Variants in NSG2 observed in about 807,000 individuals in gnomAD.
The protein encoded by NSG2 is neuronal vesicle trafficking-associated protein 2.
Under a neutral mutation model 16.9 loss-of-function variants are expected in NSG2, and 4 were observed. That is an observed-to-expected ratio of 0.24 (90% CI 0.12 to 0.54). The LOEUF (loss-of-function observed/expected upper bound fraction) is 0.54, where lower values mean the gene tolerates loss of function less well. Ranked by LOEUF, NSG2 falls within the 20% of genes least tolerant of loss-of-function variation. NSG2 has a pLI of 0.95. For missense variants in NSG2, 179 were observed against 221.1 expected (o/e 0.81, Z 1.21); for synonymous variants, 98 against 88.7 (o/e 1.11, Z -0.59).
chr5:174,081,494 C>T (rs192027826), intron 3 of NSG2: 24 of 152,138 alleles, frequency 1.6e-4, no homozygotes, highest in Admixed American at 1.2e-3. Context: ...CATGGTGTAC[C>T]ATGGAGTTCT....
chr5:174,062,925 G>A (rs1581220916), intron 2 of NSG2, among the ~76,000 whole-genome samples: 1 of 152,258 alleles, frequency 6.6e-6, no homozygotes, highest in African/African-American at 2.4e-5. Flanking sequence ...CTGTTAATTT[G>A]AGCCATAATG....
At chr5:174,067,951 G>C (rs1760171896) in intron 3 of NSG2, among the ~76,000 whole-genome samples, 1 of 152,166 alleles carries the variant, frequency 6.6e-6, no homozygotes, top group East Asian at 1.9e-4. Context: ...CATGGGTGGG[G>C]AGGGGGAAGA....
rs1760306470 is a variant in NSG2, at chr5:174,074,699, C to G, written c.213+10384C>G. Reference sequence around the variant, plus strand: ...GCTGATTCCTGTCCCTCTGCCACTGCCTTCCTACACTCCCAGTGTTCTGGG... The same window carrying G: ...GCTGATTCCTGTCCCTCTGCCACTGGCTTCCTACACTCCCAGTGTTCTGGG... On this transcript the variant is annotated intron_variant, in intron 3 of 4. Transcript: ENST00000303177. 3.3e-5 allele frequency among the ~76,000 whole-genome samples: 5 copies of G among 152,054 alleles called. No individual in the cohort carries two copies. In the South Asian group the frequency reaches 1.0e-3, roughly 32 times the overall value.
At chr5:174,106,676 T>C (rs1169462685) in intron 4 of NSG2, among the ~76,000 whole-genome samples, 6 of 136,348 alleles carry the variant, frequency 4.4e-5, no homozygotes, top group African/African-American at 1.6e-4. Flanking sequence ...CTCACTGCAA[T>C]CTCTGCCTCC....
chr5:174,061,788 A>G (rs1165774755), intron 2 of NSG2, among the ~76,000 whole-genome samples: 2 of 151,852 alleles, frequency 1.3e-5, no homozygotes, highest in African/African-American at 4.8e-5. Context: ...AATTTTTAGT[A>G]AATATGGGGT....
At chr5:174,070,024 C>A (rs999557192) in intron 3 of NSG2, among the ~76,000 whole-genome samples, 1 of 151,808 alleles carries the variant, frequency 6.6e-6, no homozygotes, top group Admixed American at 6.6e-5. Context: ...ACTACAGGCA[C>A]AAGCCACCAT....
intron 3 of NSG2, among the ~76,000 whole-genome samples, chr5:174,085,732 AGT>A (rs1222892246): frequency 2.0e-5 from 3 of 152,148 alleles, no homozygotes; most frequent in African/African-American, 7.2e-5. Flanking sequence ...CCCAAACGCT[AGT>A]GATTGACAAG....
chr5:174,081,376 G>T (rs939248864), intron 3 of NSG2: 2 of 151,898 alleles, frequency 1.3e-5, no homozygotes, highest in East Asian at 1.9e-4. Flanking sequence ...TACCCTTTCT[G>T]CATTTACGGA....
intron 3 of NSG2, among the ~76,000 whole-genome samples, chr5:174,087,549 G>A (rs888643078): frequency 2.0e-5 from 3 of 152,084 alleles, no homozygotes; most frequent in East Asian, 1.9e-4. Context: ...GGAGGCTGAG[G>A]TAGGAGGGTT....
intron 3 of NSG2, among the ~76,000 whole-genome samples, chr5:174,080,855 G>A (rs560732000): frequency 2.6e-5 from 4 of 152,156 alleles, no homozygotes; most frequent in African/African-American, 9.6e-5. Context: ...GAGCCACCAC[G>A]CCTGGCGTAA....
chr5:174,074,418 C>T (rs1009296049), intron 3 of NSG2, among the ~76,000 whole-genome samples: 5 of 152,118 alleles, frequency 3.3e-5, no homozygotes, highest in Middle Eastern at 3.2e-3. Flanking sequence ...TGGGAAGCTA[C>T]GCCTGGTACC....
intron 2 of NSG2, among the ~76,000 whole-genome samples, chr5:174,047,365 A>T (rs540031134): frequency 1.3e-5 from 2 of 152,352 alleles, no homozygotes; most frequent in South Asian, 4.1e-4. Flanking sequence ...TGACAGATTA[A>T]TTCATCCTGG....
At chr5:174,097,095 C>T (rs981247321) in intron 3 of NSG2, among the ~76,000 whole-genome samples, 5 of 152,182 alleles carry the variant, frequency 3.3e-5, no homozygotes, top group African/African-American at 7.2e-5. Flanking sequence ...GTTATTGTTA[C>T]GACTCCTGCC....
At chr5:174,086,919 T>C (rs1460744050) in intron 3 of NSG2, among the ~76,000 whole-genome samples, 1 of 152,248 alleles carries the variant, frequency 6.6e-6, no homozygotes, top group Non-Finnish European at 1.5e-5. Flanking sequence ...TGCTTTGGAA[T>C]GTTCCAGTTC....
intron 3 of NSG2, among the ~76,000 whole-genome samples, chr5:174,073,350 G>GCT (rs1436551650): frequency 6.6e-6 from 1 of 152,128 alleles, no homozygotes; most frequent in African/African-American, 2.4e-5. Context: ...GGTTTTTATT[G>GCT]CTCTCTCTTT....
At chr5:174,089,388 A>G (rs1418097370) in intron 3 of NSG2, among the ~76,000 whole-genome samples, 1 of 152,126 alleles carries the variant, frequency 6.6e-6, no homozygotes, top group Non-Finnish European at 1.5e-5. Context: ...AGGGAAACCC[A>G]TGAGGTGGAA....
intron 2 of NSG2, among the ~76,000 whole-genome samples, chr5:174,052,333 G>A (rs1431656815): frequency 1.3e-5 from 2 of 152,096 alleles, no homozygotes; most frequent in Non-Finnish European, 2.9e-5. Flanking sequence ...TTGAGATGTG[G>A]TACCAGGTTG....
intron 3 of NSG2, among the ~76,000 whole-genome samples, chr5:174,102,040 G>A (rs899029781): frequency 6.6e-6 from 1 of 152,134 alleles, no homozygotes; most frequent in Non-Finnish European, 1.5e-5. Context: ...CATGCAACAG[G>A]CTTCAACTTC....
intron 2 of NSG2, among the ~76,000 whole-genome samples, chr5:174,055,277 C>A (rs1759949502): frequency 6.6e-6 from 1 of 152,170 alleles, no homozygotes; most frequent in African/African-American, 2.4e-5. Context: ...CCTCATCTTG[C>A]CCCATGCTAT....
Sources: gnomAD v4.1 joint callset for allele counts (sites outside exome capture counted in the v4.1 genomes callset) on GRCh38, gnomAD v4.1.1 for gene constraint, MANE v1.5 for transcripts, NCBI Gene and HGNC (gene_info 2026-07-23, HGNC 2026-07-21) for gene names.